Variants in HECTD3 observed in about 807,000 individuals in gnomAD.
HECTD3 encodes HECT domain E3 ubiquitin protein ligase 3, also known as E3 ubiquitin-protein ligase HECTD3.
In HECTD3, 72 loss-of-function variants were observed where a neutral mutation model predicts 109.3. That is an observed-to-expected ratio of 0.66 (90% confidence interval 0.54 to 0.80). HECTD3 has a LOEUF of 0.80. HECTD3 is among the 30% of genes least tolerant of loss of function. The pLI is 0.00. For synonymous variants in HECTD3, 481 were observed against 471.8 expected (o/e 1.02, Z -0.25); for missense variants, 1,041 against 1,165.2 (o/e 0.89, Z 1.55).
chr1:45,010,124 A>G lies in HECTD3; in HGVS notation c.624-3T>C, dbSNP rs768892933. The G allele has an allele frequency of 1.6e-5, 26 of 1,611,668 alleles. No homozygotes were observed. The East Asian group carries it at 5.1e-4, about 32-fold the overall frequency. ...AGGTCCATGTCGGGGGTACATAGCT[A>G]AGCAACCCCAAGCCCCTAATTAGAC... On this transcript the variant is annotated splice_polypyrimidine_tract_variant and splice_region_variant and intron_variant, in intron 3 of 20. Transcript: ENST00000372172.
In HECTD3 at chr1:45,004,094, C is replaced by A; in HGVS notation, c.2313G>T (p.Gln771His). The part of the protein sequence containing the change: ...EDFEPSDSRV[Q>H]YFWEALNNFT... Reference sequence around the variant, plus strand: ...AGTTGTTCAGTGCCTCCCAGAAATACTGCACCCGCGAGTCAGATGGCTCGA... The same window carrying A: ...AGTTGTTCAGTGCCTCCCAGAAATAATGCACCCGCGAGTCAGATGGCTCGA... The change falls in exon 18 of 21, where the codon CAG becomes CAT. Residue 771 changes from glutamine to histidine, a missense_variant. Around this residue, in one of 2 missense-constraint regions of HECTD3, gnomAD observed 569 missense variants for 715.3 expected, o/e 0.80. Transcript: ENST00000372172. The A allele has an allele frequency of 1.2e-6, 2 of 1,614,080 alleles. No individual in the cohort carries two copies. The highest frequency in any genetic ancestry group is 1.1e-5 in the South Asian group (1 of 91,088).
intron 2 of HECTD3, 104 bp downstream of exon 2, chr1:45,010,442 C>T: frequency 6.6e-7 from 1 of 1,520,718 alleles, no homozygotes; most frequent in Non-Finnish European, 9.0e-7. Flanking sequence ...CTTAACCCTG[C>T]CTCCGCTCCA....
chr1:45,009,430 C>A lies in HECTD3; in HGVS notation c.928G>T (p.Val310Leu). 6.2e-7 allele frequency: 1 copy of A among 1,614,214 alleles called. No homozygotes were observed. The highest frequency in any genetic ancestry group is 8.5e-7 in the Non-Finnish European group (1 of 1,180,028). The change falls in exon 6 of 21, where the codon GTG becomes TTG. Residue 310 changes from valine to leucine, a missense_variant. Around this residue, in one of 2 missense-constraint regions of HECTD3, gnomAD observed 472 missense variants for 449.9 expected, o/e 1.05. Coordinates refer to ENST00000372172, the MANE Select transcript of HECTD3 (RefSeq NM_024602.6). ...TTDDNFMPKR[V>L]VVYGGEGDNL... ...TCCCCTTCACCCCCATAGACCACCACCCGCTTTGGCATAAAGTTGTCATCT... is the reference window on the plus strand; with the variant it reads ...TCCCCTTCACCCCCATAGACCACCAACCGCTTTGGCATAAAGTTGTCATCT...
chr1:45,005,789 C>T lies in HECTD3; in HGVS notation c.1935+5G>A. ...GAGGAAACACTGGTTCCAGGTCCTA[C>T]TCACCAGCACAGAGTCCACAGCTGG... On this transcript the variant is annotated splice_donor_5th_base_variant and intron_variant, in intron 15 of 20. Transcript: ENST00000372172. The T allele has an allele frequency of 6.3e-7, 1 of 1,580,730 alleles. No individual in the cohort carries two copies. Among genetic ancestry groups the T allele is most frequent in the Non-Finnish European group, 8.6e-7 (1 of 1,165,526 alleles).
Position 45,004,655 on chromosome 1 carries a change from C to T in HECTD3, c.2087G>A (p.Arg696His), listed in dbSNP as rs201106473. ...CTGGACCAGTTGGATGAAACGAGAA[C>T]GGTCCCCATATCCCACGACGATGCC... is the stretch of plus-strand genomic sequence containing the variant. Reference protein sequence around the residue: ...GAGIVVGYGDRSRFIQLVQKA... With the variant: ...GAGIVVGYGDHSRFIQLVQKA... Residue 696 changes from arginine to histidine, a missense_variant, in exon 16 of 21, where the codon CGT becomes CAT. Arg to His is a conservative substitution (Grantham distance 29). This residue lies in a region of HECTD3 where 569 missense variants were observed against 715.3 expected (regional missense o/e 0.80). Transcript: ENST00000372172. 3.2e-4 allele frequency: 518 copies of T among 1,614,188 alleles called. 1 individual carries two copies. The highest frequency in any genetic ancestry group is 1.0e-3 in the South Asian group (92 of 91,086).
intron 8 of HECTD3, 99 bp downstream of exon 8, chr1:45,008,437 C>T: frequency 6.7e-7 from 1 of 1,501,898 alleles, no homozygotes; most frequent in Non-Finnish European, 9.3e-7. Flanking sequence ...GACCCTTGAA[C>T]AGCTTATACT....
At chr1:45,009,330 G>C in intron 6 of HECTD3, 39 bp downstream of exon 6, 1 of 1,561,922 alleles carries the variant, frequency 6.4e-7, no homozygotes, top group Non-Finnish European at 8.8e-7. Context: ...GCTAGGCTTG[G>C]AACATGCCCT....
intron 16 of HECTD3, 38 bp downstream of exon 16, chr1:45,004,562 G>C (rs755990136): frequency 6.8e-6 from 11 of 1,609,764 alleles, no homozygotes; most frequent in Non-Finnish European, 7.6e-6. Flanking sequence ...GCTCAGGAGG[G>C]GCCAAAGCTC....
chr1:45,003,234 G>A lies in HECTD3; in HGVS notation c.*258C>T, dbSNP rs1644705510. ...AGGCCTGGCAGCTTGTGCTGGGCTT[G>A]TGGAAGATTCCCTCTTAAGAGGTGA... On this transcript the variant is annotated 3_prime_UTR_variant, in exon 21 of 21. Transcript: ENST00000372172. This position sits in a 1 kb window ranked among gnomAD's most constrained non-coding sequence, Gnocchi z 4.7. 5.9e-6 allele frequency: 3 copies of A among 511,016 alleles called. No homozygotes were observed. The highest frequency in any genetic ancestry group is 1.1e-5 in the Non-Finnish European group (3 of 280,852). The allele number at this position is 511,016 out of a possible 1,614,324, so 31.7% of individuals were successfully genotyped here. A position where few individuals can be genotyped will look rare whatever the true frequency, so the allele number is the denominator to read the frequency against.
At position 45,004,288 on chromosome 1, in the gene HECTD3, A is replaced by G. The variant is rs773794015; in HGVS notation, c.2232T>C (p.Cys744=). ...CATCCACAGTGACCTCTGGATCCCC[A>G]CACACTTTCTTCTCCAACTCTTGCC... is the stretch of plus-strand genomic sequence containing the variant. ...LTWQELEKKV[C]GDPEVTVDAL... Residue 744 remains cysteine (C), a synonymous_variant, in exon 17 of 21, where the codon TGT becomes TGC. Transcript: ENST00000372172. The G allele has an allele frequency of 1.9e-6, 3 of 1,613,984 alleles. No homozygotes were observed. In the Admixed American group the frequency reaches 5.0e-5, roughly 27 times the overall value.
chr1:45,010,437 C>G (rs1644778333), intron 2 of HECTD3, 109 bp downstream of exon 2: 1 of 1,511,390 alleles, frequency 6.6e-7, no homozygotes, highest in African/African-American at 1.4e-5. Flanking sequence ...CTGCTCTTAA[C>G]CCTGCCTCCG....
chr1:45,008,406 G>A (rs1260295243), intron 8 of HECTD3, 85 bp from the exon 9 acceptor site: 3 of 1,492,968 alleles, frequency 2.0e-6, no homozygotes, highest in Non-Finnish European at 2.8e-6. Flanking sequence ...ACAGGAAAAG[G>A]CAGGACCTGG....
rs572991701 is a variant in HECTD3, at chr1:45,002,569, C to G, written c.*923G>C. On this transcript the variant is annotated 3_prime_UTR_variant, in exon 21 of 21. Coordinates refer to ENST00000372172, the MANE Select transcript of HECTD3 (RefSeq NM_024602.6). The stretch of plus-strand genomic sequence containing the variant: ...GGAATGAATTCATCCATTTATTCAA[C>G]TTTCCGGTATGCAAGAACTTCTTTT... The G allele has an allele frequency of 1.3e-5, 2 of 152,252 alleles. No homozygotes were observed. Among genetic ancestry groups the G allele is most frequent in the Non-Finnish European group, 2.9e-5 (2 of 68,066 alleles). The allele number at this position is 152,252 out of a possible 1,614,324, so 9.4% of individuals were successfully genotyped here.
In HECTD3 at chr1:45,010,668, C is replaced by G. The variant is rs1569950414; in HGVS notation, c.408G>C (p.Gln136His). The change falls in exon 2 of 21, where the codon CAG (glutamine) becomes CAC (histidine). Residue 136 changes from glutamine (Q) to histidine (H), a missense_variant. Coordinates refer to ENST00000372172, the MANE Select transcript of HECTD3 (RefSeq NM_024602.6). Reference sequence around the variant, plus strand: ...GGCGGCACACCAGCAGCCAGCCTTCCTGCAGCCCGCAGTCGCCCAGGTGCT... The same window carrying G: ...GGCGGCACACCAGCAGCCAGCCTTCGTGCAGCCCGCAGTCGCCCAGGTGCT... ...LAEHLGDCGLQEGWLLVCRPA... is the reference protein window; with the variant it reads ...LAEHLGDCGLHEGWLLVCRPA... 1 of 1,584,508 alleles carries G rather than the reference C, an allele frequency of 6.3e-7. No individual in the cohort carries two copies.
chr1:45,007,331 A>C, intron 10 of HECTD3, 60 bp from the exon 11 acceptor site: 3 of 1,603,962 alleles, frequency 1.9e-6, no homozygotes, highest in Non-Finnish European at 2.6e-6. Context: ...ACTTGCCCCA[A>C]GAACTTGTTC....
Position 45,010,202 on chromosome 1 carries a change from G to C in HECTD3, c.622C>G (p.Leu208Val). 1.2e-6 allele frequency: 2 copies of C among 1,613,968 alleles called. No individual in the cohort carries two copies. Among genetic ancestry groups the C allele is most frequent in the Non-Finnish European group, 1.7e-6 (2 of 1,179,968 alleles). Residue 208 changes from leucine to valine, a missense_variant and splice_region_variant, in exon 3 of 21, where the codon CTC becomes GTC. Physicochemically the swap from Leu to Val is conservative, Grantham distance 32 (BLOSUM62 1). Coordinates refer to ENST00000372172, the MANE Select transcript of HECTD3 (RefSeq NM_024602.6). The part of the protein sequence containing the change: ...EAYAEAVQRL[L>V]YVPPTWTYEC... ...CCCACCCCATTCCAGCTCACTCACA[G>C]TAGCCTTTGTACAGCTTCTGCGTAT...
chr1:45,006,177 G>T lies in HECTD3; in HGVS notation c.1726-61C>A, dbSNP rs1644733783. ...ATACACCCTATTTTCCTGGCCCAAA[G>T]ACTTCCCTGAACATTTTCCACTGGG... On this transcript the variant is annotated intron_variant, in intron 13 of 20. Transcript: ENST00000372172. The surrounding 1 kb of genome is among the most constrained non-coding windows in gnomAD (Gnocchi z 4.7). The T allele has an allele frequency of 1.3e-6, 2 of 1,578,740 alleles. No individual in the cohort carries two copies. The highest frequency in any genetic ancestry group is 1.7e-6 in the Non-Finnish European group (2 of 1,155,312).
At chr1:45,009,272 C>A (rs370033141) in intron 6 of HECTD3, 46 bp from the exon 7 acceptor site, 47 of 1,551,000 alleles carry the variant, frequency 3.0e-5, no homozygotes, top group Admixed American at 5.0e-5. Context: ...CTGCCTCAGG[C>A]CTTCAGAGAC....
chr1:45,007,158 T>C, intron 11 of HECTD3, 61 bp downstream of exon 11: 1 of 1,125,036 alleles, frequency 8.9e-7, no homozygotes, highest in Non-Finnish European at 1.3e-6. Flanking sequence ...GTGTGTGTGT[T>C]TGTGTGTGTT....
Sources: allele counts gnomAD v4.1 joint callset, GRCh38; gene constraint gnomAD v4.1.1; regional missense constraint gnomAD v4.1.1; non-coding constraint Gnocchi (gnomAD v3.1); transcripts MANE v1.5; gene names NCBI Gene and HGNC (gene_info 2026-07-23, HGNC 2026-07-21).